The following CDH12 variants were observed in gnomAD, a reference collection of about 807,000 sequenced individuals.
CDH12 encodes cadherin 12, also known as cadherin-12.
A neutral mutation model predicts 74.1 loss-of-function variants in CDH12; 41 were observed. The ratio of observed to expected loss-of-function variants is 0.55; its 90% CI spans 0.43 to 0.72. CDH12 has a LOEUF of 0.72. CDH12 is among the 30% of genes least tolerant of loss of function. The pLI, the probability that CDH12 is intolerant of heterozygous loss-of-function variation, is 0.00. For missense variants in CDH12, 945 were observed against 977.2 expected (o/e 0.97, Z 0.44); for synonymous variants, 399 against 355.0 (o/e 1.12, Z -1.39).
intron 6 of CDH12, among the ~76,000 whole-genome samples, chr5:21,949,625 C>A (rs1366431756): frequency 6.6e-6 from 1 of 151,978 alleles, no homozygotes; most frequent in Non-Finnish European, 1.5e-5. Flanking sequence ...TGATGTTGAT[C>A]ATACTGACCC....
intron 5 of CDH12, among the ~76,000 whole-genome samples, chr5:22,029,237 G>T (rs1738627968): frequency 1.3e-5 from 2 of 151,976 alleles, no homozygotes; most frequent in South Asian, 2.1e-4. Context: ...AAAAGCAATG[G>T]CAACAAAAGA....
intron 4 of CDH12, among the ~76,000 whole-genome samples, chr5:22,110,525 C>A (rs560248336): frequency 1.3e-3 from 200 of 151,660 alleles, no homozygotes; most frequent in Non-Finnish European, 2.4e-3. Flanking sequence ...GAAGACAGTG[C>A]AATCATAGGG....
intron 5 of CDH12, among the ~76,000 whole-genome samples, chr5:22,056,828 C>A (rs189117669): frequency 6.6e-6 from 1 of 152,266 alleles, no homozygotes; most frequent in Admixed American, 6.5e-5. Context: ...GTTTTTCCTA[C>A]TTTACAGATG....
chr5:22,509,492 C>G (rs948881766), intron 1 of CDH12, among the ~76,000 whole-genome samples: 2 of 152,106 alleles, frequency 1.3e-5, no homozygotes, highest in Non-Finnish European at 2.9e-5. Flanking sequence ...AAATCTCAAG[C>G]TACTAGCAAT....
Position 22,026,591 on chromosome 5 carries a change from C to A in CDH12, c.232-51206G>T, listed in dbSNP as rs77161401. Among the ~76,000 whole-genome samples, 567 of 152,216 alleles carry A rather than the reference C, an allele frequency of 3.7e-3. 7 individuals are homozygous for A. Among genetic ancestry groups the A allele is most frequent in the African/African-American group, 0.013 (531 of 41,554 alleles). On this transcript the variant is annotated intron_variant, in intron 5 of 14. Transcript: ENST00000382254. ...ACTCTTCCCCTTATTATAGAATATT[C>A]TATGCTTTCATTATGCTTCTAATGA... is the stretch of plus-strand genomic sequence containing the variant.
At chr5:21,958,569 G>T (rs887956692) in intron 6 of CDH12, among the ~76,000 whole-genome samples, 1 of 151,992 alleles carries the variant, frequency 6.6e-6, no homozygotes, top group Non-Finnish European at 1.5e-5. Context: ...CCCATCGCTC[G>T]TTTTTGTCAG....
At chr5:22,622,484 G>C (rs147694479) in intron 1 of CDH12, among the ~76,000 whole-genome samples, 1,656 of 152,216 alleles carry the variant, frequency 0.011, 33 homozygotes, top group African/African-American at 0.038. Flanking sequence ...AAATGATAAA[G>C]AGGATATCAC....
intron 4 of CDH12, among the ~76,000 whole-genome samples, chr5:22,208,735 C>G (rs1157493025): frequency 6.6e-6 from 1 of 152,098 alleles, no homozygotes; most frequent in Non-Finnish European, 1.5e-5. Flanking sequence ...TCTACTGCGG[C>G]CAGTAGAGCC....
intron 4 of CDH12, among the ~76,000 whole-genome samples, chr5:22,099,801 C>T (rs993371675): frequency 2.6e-5 from 4 of 152,180 alleles, no homozygotes; most frequent in Admixed American, 2.0e-4. Flanking sequence ...ATTAGATGTC[C>T]TAGGTCCTCC....
rs568416584 is a variant in CDH12, at chr5:22,780,464, A to T, written c.-523+72594T>A. ...GGAAGGCCTCAGGAAACTTACAATCATGGTGGATGGTGAAGGGGAAGAAAG... is the reference window on the plus strand; with the variant it reads ...GGAAGGCCTCAGGAAACTTACAATCTTGGTGGATGGTGAAGGGGAAGAAAG... On this transcript the variant is annotated intron_variant, in intron 1 of 14. Coordinates refer to ENST00000382254, the MANE Select transcript of CDH12 (RefSeq NM_004061.5). 3.3e-5 allele frequency among the ~76,000 whole-genome samples: 5 copies of T among 152,322 alleles called. No individual in the cohort carries two copies. In the South Asian group the frequency reaches 8.3e-4, roughly 25 times the overall value.
chr5:22,018,055 G>A (rs778467171), intron 5 of CDH12, among the ~76,000 whole-genome samples: 26 of 152,010 alleles, frequency 1.7e-4, no homozygotes, highest in Non-Finnish European at 2.4e-4. Flanking sequence ...CATCGTGTCC[G>A]GCTGCCTTCC....
At chr5:22,315,064 CT>C (rs1436501343) in intron 3 of CDH12, among the ~76,000 whole-genome samples, 1 of 120,078 alleles carries the variant, frequency 8.3e-6, no homozygotes, top group East Asian at 2.3e-4. Flanking sequence ...TGCCATTCTC[CT>C]GCCTCCTGCC....
intron 1 of CDH12, among the ~76,000 whole-genome samples, chr5:22,702,654 C>G (rs990746916): frequency 6.6e-6 from 1 of 151,936 alleles, no homozygotes; most frequent in Non-Finnish European, 1.5e-5. Flanking sequence ...CCCTCCAGCT[C>G]GGTCATGTCT....
At chr5:22,372,324 C>G (rs750636904) in intron 3 of CDH12, among the ~76,000 whole-genome samples, 2 of 152,100 alleles carry the variant, frequency 1.3e-5, no homozygotes, top group Admixed American at 1.3e-4. Context: ...GAGAGGGAAC[C>G]AGGCAGCCTG....
intron 4 of CDH12, among the ~76,000 whole-genome samples, chr5:22,122,141 G>A (rs1745552821): frequency 6.6e-6 from 1 of 152,120 alleles, no homozygotes; most frequent in African/African-American, 2.4e-5. Context: ...AGTGGCTTAT[G>A]CCTGTAATCC....
At chr5:22,689,462 C>T (rs1561579055) in intron 1 of CDH12, among the ~76,000 whole-genome samples, 2 of 152,050 alleles carry the variant, frequency 1.3e-5, no homozygotes, top group African/African-American at 2.4e-5. Context: ...TTTCCCAAAG[C>T]TACAGTGAAA....
At chr5:22,553,986 A>G (rs1738686543) in intron 1 of CDH12, among the ~76,000 whole-genome samples, 1 of 152,200 alleles carries the variant, frequency 6.6e-6, no homozygotes, top group African/African-American at 2.4e-5. Flanking sequence ...CCTTAAGAAA[A>G]CCCTGAATTG....
At chr5:22,539,213 C>T (rs966029560) in intron 1 of CDH12, among the ~76,000 whole-genome samples, 6 of 152,138 alleles carry the variant, frequency 3.9e-5, no homozygotes, top group Admixed American at 3.3e-4. Flanking sequence ...ATAATATCTA[C>T]AGATGTACTG....
chr5:22,205,326 A>T (rs1751160826), intron 4 of CDH12, among the ~76,000 whole-genome samples: 1 of 152,192 alleles, frequency 6.6e-6, no homozygotes, highest in Non-Finnish European at 1.5e-5. Flanking sequence ...TAGAGCTCAC[A>T]TTCTAATAAT....
Sources: gnomAD v4.1 joint callset for allele counts (sites outside exome capture counted in the v4.1 genomes callset) on GRCh38, gnomAD v4.1.1 for gene constraint, MANE v1.5 for transcripts, NCBI Gene and HGNC (gene_info 2026-07-23, HGNC 2026-07-21) for gene names.